GREM2: variants seen among roughly 807,000 people sequenced by gnomAD.
The protein encoded by GREM2 is gremlin-2.
A neutral mutation model predicts 14.2 loss-of-function variants in GREM2; 11 were observed. The observed-to-expected ratio is 0.78, with a 90% CI of 0.49 to 1.28. The LOEUF is 1.28. Among genes scored for constraint, GREM2 ranks in the 50% most tolerant of loss-of-function variants. The pLI is 0.00. For missense variants in GREM2, 210 were observed against 218.5 expected (o/e 0.96, Z 0.24); for synonymous variants, 98 against 97.6 (o/e 1.00, Z -0.02).
chr1:240,599,529 C>T (rs374944346), intron 1 of GREM2, among the ~76,000 whole-genome samples: 24 of 152,258 alleles, frequency 1.6e-4, no homozygotes, highest in East Asian at 1.2e-3. Flanking sequence ...TCCCTGAATC[C>T]GGTCCAGAGG....
In GREM2 at chr1:240,540,969, C is replaced by A. The variant is rs185939330; in HGVS notation, c.-1-47493G>T. On this transcript the variant is annotated intron_variant, in intron 1 of 1. Transcript: ENST00000318160. This position sits in a 1 kb window ranked among gnomAD's most constrained non-coding sequence, Gnocchi z 4.2. The stretch of plus-strand genomic sequence containing the variant: ...CCAGAAGTCTCCTGTGTTTGTTCTG[C>A]TTTTGTGGCACCTTCCTAGTTTGGC... Among the ~76,000 whole-genome samples the A allele has an allele frequency of 2.0e-5, 3 of 152,286 alleles. No individual in the cohort carries two copies. In the East Asian group the frequency reaches 5.8e-4, roughly 29 times the overall value.
At chr1:240,541,438 C>T (rs1678584811) in intron 1 of GREM2, among the ~76,000 whole-genome samples, 1 of 152,232 alleles carries the variant, frequency 6.6e-6, no homozygotes, top group African/African-American at 2.4e-5. Flanking sequence ...TGCCTGCTGA[C>T]TAACTCACTT....
At chr1:240,557,858 T>C (rs567249942) in intron 1 of GREM2, among the ~76,000 whole-genome samples, 4 of 151,332 alleles carry the variant, frequency 2.6e-5, no homozygotes, top group African/African-American at 9.7e-5. Context: ...GAACAGCTAA[T>C]GTGATTACAA....
At chr1:240,514,247 C>CAAAA (rs34702912) in intron 1 of GREM2, among the ~76,000 whole-genome samples, 4 of 80,272 alleles carry the variant, frequency 5.0e-5, no homozygotes, top group Non-Finnish European at 7.1e-5. Context: ...GATTCCATCT[C>CAAAA]AAAAAAAAAA....
In GREM2 at chr1:240,582,658, G is replaced by A. The variant is rs149665373; in HGVS notation, c.-2+29226C>T. Among the ~76,000 whole-genome samples, 727 of 151,974 alleles carry A rather than the reference G, an allele frequency of 4.8e-3. 8 individuals are homozygous for A. The highest frequency in any genetic ancestry group is 0.017 in the African/African-American group (685 of 41,474). ...TAAAAATACCAAAAATTAGCTGTGC[G>A]TGGTGACGTGCACCTGTAATCTCAG... On this transcript the variant is annotated intron_variant, in intron 1 of 1. Coordinates refer to ENST00000318160, the MANE Select transcript of GREM2 (RefSeq NM_022469.4).
Position 240,492,973 on chromosome 1 carries a change from T to G in GREM2, c.503A>C (p.Gln168Pro), listed in dbSNP as rs1478668819. ...GAGCTGCGTCCGGCCCGGCGCTCAC[T>G]GCTTGTCCGAGTCGCTCAGGTTCAC... ...MSVNLSDSDK[Q>P] The change falls in exon 2 of 2, where the codon CAG becomes CCG. Residue 168 changes from glutamine to proline, a missense_variant. Physicochemically the swap from Gln to Pro is moderately conservative, Grantham distance 76. Coordinates refer to ENST00000318160, the MANE Select transcript of GREM2 (RefSeq NM_022469.4). 2 of 1,537,534 alleles carry G rather than the reference T, an allele frequency of 1.3e-6. No individual in the cohort carries two copies. The highest frequency in any genetic ancestry group is 1.2e-5 in the South Asian group (1 of 80,112).
intron 1 of GREM2, among the ~76,000 whole-genome samples, chr1:240,604,671 A>G (rs948498812): frequency 6.6e-6 from 1 of 152,186 alleles, no homozygotes; most frequent in African/African-American, 2.4e-5. Context: ...TAGAACACCA[A>G]AGTAGGCTGG....
chr1:240,551,180 T>A (rs1480698280), intron 1 of GREM2, among the ~76,000 whole-genome samples: 1 of 152,174 alleles, frequency 6.6e-6, no homozygotes, highest in African/African-American at 2.4e-5. Context: ...TGCACTTGGA[T>A]CTTCTCCATG....
chr1:240,571,969 A>G (rs1679270845), intron 1 of GREM2, among the ~76,000 whole-genome samples: 1 of 152,136 alleles, frequency 6.6e-6, no homozygotes, highest in South Asian at 2.1e-4. Context: ...CCAGCCACCT[A>G]CGTCAGCATG....
At chr1:240,520,818 T>C (rs1459746111) in intron 1 of GREM2, among the ~76,000 whole-genome samples, 1 of 151,730 alleles carries the variant, frequency 6.6e-6, no homozygotes, top group East Asian at 1.9e-4. Context: ...GCTGGAATTG[T>C]AGATGTGAGC....
chr1:240,531,661 C>T (rs770853013), intron 1 of GREM2: 84 of 985,228 alleles, frequency 8.5e-5, no homozygotes, highest in South Asian at 2.8e-4. Flanking sequence ...TGCTCCCTGA[C>T]GTGGACTCAG....
intron 1 of GREM2, 136 bp from the exon 2 acceptor site, chr1:240,493,612 G>T: frequency 1.9e-6 from 2 of 1,066,330 alleles, no homozygotes; most frequent in Non-Finnish European, 2.6e-6. Context: ...GTAGCTTGCT[G>T]CAGGCTCAAA....
intron 1 of GREM2, among the ~76,000 whole-genome samples, chr1:240,602,347 C>A (rs1679940628): frequency 6.6e-6 from 1 of 152,034 alleles, no homozygotes; most frequent in South Asian, 2.1e-4. Context: ...CAGAAGTATT[C>A]TTTCTTATAT....
At chr1:240,571,911 G>C (rs968963079) in intron 1 of GREM2, among the ~76,000 whole-genome samples, 2 of 152,056 alleles carry the variant, frequency 1.3e-5, no homozygotes, top group African/African-American at 4.8e-5. Flanking sequence ...CGCCAGAGCT[G>C]GGCTGTCCAT....
rs1404130952 is a variant in GREM2 at position 240,493,196 on chromosome 1, T to C, written c.280A>G (p.Asn94Asp). 2 of 1,614,004 alleles carry C rather than the reference T, an allele frequency of 1.2e-6. No homozygotes were observed. Among genetic ancestry groups the C allele is most frequent in the Non-Finnish European group, 1.7e-6 (2 of 1,180,012 alleles). ...EEGCRSRTIL[N>D]RFCYGQCNSF... Reference sequence around the variant, plus strand: ...TTGCACTGGCCGTAGCAGAAGCGGTTGAGGATGGTGCGGCTCCGGCAGCCC... The same window carrying C: ...TTGCACTGGCCGTAGCAGAAGCGGTCGAGGATGGTGCGGCTCCGGCAGCCC... The change falls in exon 2 of 2, where the codon AAC becomes GAC. Residue 94 changes from asparagine to aspartate, a missense_variant. By Grantham distance (23) the Asn-to-Asp change is conservative (BLOSUM62 1). Coordinates refer to ENST00000318160, the MANE Select transcript of GREM2 (RefSeq NM_022469.4).
intron 1 of GREM2, among the ~76,000 whole-genome samples, chr1:240,591,752 G>C (rs1014517704): frequency 6.6e-6 from 1 of 152,184 alleles, no homozygotes; most frequent in Non-Finnish European, 1.5e-5. Context: ...TGAAGTGGAA[G>C]GGGCCTTTGG....
At chr1:240,546,935 C>T (rs1206441751) in intron 1 of GREM2, among the ~76,000 whole-genome samples, 1 of 152,008 alleles carries the variant, frequency 6.6e-6, no homozygotes. Context: ...ATATCACATG[C>T]AAATTCCCAA....
intron 1 of GREM2, among the ~76,000 whole-genome samples, chr1:240,567,970 G>A (rs1679198606): frequency 6.6e-6 from 1 of 152,108 alleles, no homozygotes; most frequent in South Asian, 2.1e-4. Flanking sequence ...TTAGCCAGAT[G>A]TGGTGGAGTG....
At chr1:240,570,330 C>T (rs1815611) in intron 1 of GREM2, among the ~76,000 whole-genome samples, 22,629 of 151,894 alleles carry the variant, frequency 0.15, 2,363 homozygotes, top group African/African-American at 0.29. Context: ...GGCATGGTGG[C>T]GCGTGCCTGT....
Sources: gnomAD v4.1 joint callset for allele counts (sites outside exome capture counted in the v4.1 genomes callset) on GRCh38, gnomAD v4.1.1 for gene constraint, Gnocchi (gnomAD v3.1) non-coding constraint, MANE v1.5 for transcripts, NCBI Gene and HGNC (gene_info 2026-07-23, HGNC 2026-07-21) for gene names.